The following PTPRT variants were observed in gnomAD, a reference collection of about 807,000 sequenced individuals.
The protein encoded by PTPRT is protein tyrosine phosphatase receptor type T.
Under a neutral mutation model 176.8 loss-of-function variants are expected in PTPRT, and 56 were observed. The ratio of observed to expected loss-of-function variants is 0.32; its 90% confidence interval spans 0.26 to 0.40. The LOEUF is 0.40. PTPRT is among the 10% of genes least tolerant of loss of function. PTPRT has a pLI of 1.00. For missense variants in PTPRT, 1,540 were observed against 1,908.2 expected (o/e 0.81, Z 3.60); for synonymous variants, 783 against 739.0 (o/e 1.06, Z -0.96).
chr20:42,426,077 G>A (rs919400521), intron 9 of PTPRT, among the ~76,000 whole-genome samples: 15 of 152,064 alleles, frequency 9.9e-5, no homozygotes, highest in African/African-American at 2.9e-4. Context: ...ATAGTGATAC[G>A]GATAGGAGTC....
chr20:42,574,714 G>A (rs909341476), intron 7 of PTPRT, among the ~76,000 whole-genome samples: 4 of 152,220 alleles, frequency 2.6e-5, no homozygotes, highest in Admixed American at 2.6e-4. Flanking sequence ...GATATGGTTT[G>A]GCTCTGTGTC....
chr20:42,607,044 C>G (rs1203199299), intron 7 of PTPRT, among the ~76,000 whole-genome samples: 1 of 152,158 alleles, frequency 6.6e-6, no homozygotes, highest in Non-Finnish European at 1.5e-5. Context: ...CTTACACATG[C>G]TACTACATAG....
At chr20:42,228,921 G>T (rs978701795) in intron 15 of PTPRT, among the ~76,000 whole-genome samples, 2 of 152,202 alleles carry the variant, frequency 1.3e-5, no homozygotes, top group Non-Finnish European at 2.9e-5. Flanking sequence ...ATGGGTGAAG[G>T]AATGAAAGAT....
At chr20:43,084,148 T>G (rs2011540820) in intron 1 of PTPRT, among the ~76,000 whole-genome samples, 1 of 152,188 alleles carries the variant, frequency 6.6e-6, no homozygotes, top group Non-Finnish European at 1.5e-5. Context: ...TTGAGTAATA[T>G]GGTAAATTTA....
intron 1 of PTPRT, among the ~76,000 whole-genome samples, chr20:43,066,820 T>C (rs1385029196): frequency 6.6e-6 from 1 of 152,208 alleles, no homozygotes; most frequent in Non-Finnish European, 1.5e-5. Flanking sequence ...CCACCCTCTC[T>C]TTTCGTAAAT....
chr20:42,275,695 G>A (rs2057017328), intron 13 of PTPRT, among the ~76,000 whole-genome samples: 1 of 152,144 alleles, frequency 6.6e-6, no homozygotes, highest in African/African-American at 2.4e-5. Flanking sequence ...GTCATATTTA[G>A]GCTATCTTAT....
At chr20:42,922,139 T>A (rs559223217) in intron 1 of PTPRT, among the ~76,000 whole-genome samples, 24 of 152,296 alleles carry the variant, frequency 1.6e-4, no homozygotes, top group African/African-American at 5.8e-4. Flanking sequence ...TTTCGCTATA[T>A]TGGCCAGGCT....
Position 42,965,749 on chromosome 20 carries a change from G to A in PTPRT, c.89-79817C>T, listed in dbSNP as rs368963061. Among the ~76,000 whole-genome samples the A allele has an allele frequency of 4.6e-5, 7 of 152,282 alleles. No individual in the cohort carries two copies. The South Asian group carries it at 1.5e-3, about 32-fold the overall frequency. On this transcript the variant is annotated intron_variant, in intron 1 of 30. Transcript: ENST00000373187. ...TGGAAAAACTTAACATGGCACTGAT[G>A]TTGATTTTCTTTCAATTCATCTATA...
chr20:43,108,045 A>G (rs1387853069), intron 1 of PTPRT, among the ~76,000 whole-genome samples: 1 of 151,794 alleles, frequency 6.6e-6, no homozygotes, highest in Non-Finnish European at 1.5e-5. Flanking sequence ...AATATCTCCC[A>G]TCTCCATTTC....
intron 2 of PTPRT, among the ~76,000 whole-genome samples, chr20:42,793,292 T>C (rs2077403956): frequency 6.6e-6 from 1 of 152,188 alleles, no homozygotes; most frequent in Admixed American, 6.5e-5. Flanking sequence ...AAATGATGTA[T>C]ATTGTATCCA....
chr20:42,854,386 A>G (rs1334410330), intron 2 of PTPRT, among the ~76,000 whole-genome samples: 2 of 152,192 alleles, frequency 1.3e-5, no homozygotes, highest in Non-Finnish European at 2.9e-5. Flanking sequence ...GACAAAGGAA[A>G]GAAACTAGGG....
chr20:42,877,746 C>G (rs762548038), intron 2 of PTPRT, among the ~76,000 whole-genome samples: 4 of 152,156 alleles, frequency 2.6e-5, no homozygotes, highest in Non-Finnish European at 5.9e-5. Context: ...TGCAGTTCAT[C>G]CAATAAACAT....
At chr20:42,187,313 G>A (rs1352978901) in intron 16 of PTPRT, among the ~76,000 whole-genome samples, 5 of 152,174 alleles carry the variant, frequency 3.3e-5, no homozygotes, top group African/African-American at 1.2e-4. Context: ...ACAGGTGAGT[G>A]TAGATTTGAG....
At chr20:42,396,575 T>G (rs1373644232) in intron 9 of PTPRT, among the ~76,000 whole-genome samples, 9 of 152,196 alleles carry the variant, frequency 5.9e-5, no homozygotes. Flanking sequence ...CTTTCTTTTT[T>G]GTTTGAGACG....
At chr20:42,119,384 T>C (rs1600546246) in intron 20 of PTPRT, among the ~76,000 whole-genome samples, 2 of 152,346 alleles carry the variant, frequency 1.3e-5, no homozygotes, top group South Asian at 2.1e-4. Flanking sequence ...ATTCCTATTA[T>C]AGATAACACC....
chr20:42,151,914 A>G (rs1989150731), intron 17 of PTPRT, among the ~76,000 whole-genome samples: 1 of 152,210 alleles, frequency 6.6e-6, no homozygotes, highest in Non-Finnish European at 1.5e-5. Context: ...TAGGTAAAAT[A>G]GCATTTAGGG....
At chr20:42,704,324 A>G (rs2076018615) in intron 6 of PTPRT, among the ~76,000 whole-genome samples, 1 of 151,078 alleles carries the variant, frequency 6.6e-6, no homozygotes, top group South Asian at 2.1e-4. Context: ...GAGACACCCC[A>G]TGGTTCTCTG....
Position 42,780,259 on chromosome 20 carries a change from T to A in PTPRT, c.527A>T (p.Tyr176Phe). ...GACCCGGACCTCGTCCACGGCGATG[T>A]AGCCAGGATGACCCTTCAATGAGAC... ...ESVSLKGHPG[Y>F]IAVDEVRVLA... Residue 176 changes from tyrosine (Y) to phenylalanine (F), a missense_variant, in exon 4 of 31, where the codon TAC becomes TTC. Tyr to Phe is a conservative substitution (Grantham distance 22). Around this residue, in one of 11 missense-constraint regions of PTPRT, gnomAD observed 273 missense variants for 432.1 expected, o/e 0.63. Transcript: ENST00000373187. The A allele has an allele frequency of 1.2e-6, 2 of 1,614,062 alleles. No homozygotes were observed. The highest frequency in any genetic ancestry group is 8.5e-7 in the Non-Finnish European group (1 of 1,179,950).
chr20:42,240,533 C>T (rs2056331628), intron 14 of PTPRT, among the ~76,000 whole-genome samples: 1 of 152,200 alleles, frequency 6.6e-6, no homozygotes, highest in Non-Finnish European at 1.5e-5. Flanking sequence ...ACAAGATTGA[C>T]TTCAGGCACA....
Sources: gnomAD v4.1 joint callset for allele counts (sites outside exome capture counted in the v4.1 genomes callset) on GRCh38, gnomAD v4.1.1 for gene constraint, gnomAD v4.1.1 regional missense constraint, MANE v1.5 for transcripts, NCBI Gene and HGNC (gene_info 2026-07-23, HGNC 2026-07-21) for gene names.